The following CALN1 variants were observed in gnomAD, a reference collection of about 807,000 sequenced individuals.
CALN1 encodes calcium-binding protein 8.
CALN1 carries 17 observed loss-of-function variants against 30.6 expected under a neutral mutation model. The ratio of observed to expected loss-of-function variants is 0.56; its 90% confidence interval spans 0.38 to 0.83. The LOEUF is 0.83. CALN1 is among the 40% of genes least tolerant of loss of function. The probability of loss-of-function intolerance (pLI) is 0.00; values close to 1 mark genes in which losing one functional copy is unlikely to be tolerated. For missense variants in CALN1, 291 were observed against 354.9 expected, an observed-to-expected ratio of 0.82 and a Z score of 1.45; for synonymous variants, 156 against 131.4, an observed-to-expected ratio of 1.19 and a Z score of -1.28.
intron 5 of CALN1, among the ~76,000 whole-genome samples, chr7:71,965,563 A>G (rs940080727): frequency 6.7e-6 from 1 of 148,670 alleles, no homozygotes; most frequent in Non-Finnish European, 1.5e-5. Context: ...TTTGAAAAAC[A>G]GTAACAACAA....
At chr7:72,213,468 C>T (rs571559753) in intron 3 of CALN1, among the ~76,000 whole-genome samples, 124 of 152,132 alleles carry the variant, frequency 8.2e-4, no homozygotes, top group East Asian at 2.5e-3. Context: ...TGCAAATGGG[C>T]TTGAGGATGT....
chr7:71,848,009 A>G lies in CALN1; in HGVS notation c.502-37517T>C, dbSNP rs144989024. On this transcript the variant is annotated intron_variant, in intron 5 of 6. Coordinates refer to ENST00000395275, the MANE Select transcript of CALN1 (RefSeq NM_031468.4). ...ATCTCCTTTTCTTTATAAATTACCCAGTCTCATCCAAAAACACCTGAACAG... is the reference window on the plus strand; with the variant it reads ...ATCTCCTTTTCTTTATAAATTACCCGGTCTCATCCAAAAACACCTGAACAG... 4.5e-3 allele frequency among the ~76,000 whole-genome samples: 685 copies of G among 152,264 alleles called. 3 individuals are homozygous for G. Among genetic ancestry groups the G allele is most frequent in the Non-Finnish European group, 7.4e-3 (500 of 68,020 alleles).
chr7:71,833,511 TGG>T (rs1195144582), intron 5 of CALN1, among the ~76,000 whole-genome samples: 2 of 142,078 alleles, frequency 1.4e-5, no homozygotes, highest in African/African-American at 5.4e-5. Flanking sequence ...AGGAGAGGGG[TGG>T]AATAAAATCT....
intron 1 of CALN1, among the ~76,000 whole-genome samples, chr7:72,407,838 G>C (rs6977896): frequency 0.2 from 30,771 of 152,086 alleles, 3,459 homozygotes; most frequent in Non-Finnish European, 0.25. Flanking sequence ...GTGTGGAAAT[G>C]AATCCACCAC....
the CALN1 span, among the ~76,000 whole-genome samples, chr7:72,466,387 C>T: frequency 2.5e-4 from 38 of 152,258 alleles, no homozygotes; most frequent in African/African-American, 8.9e-4. Context: ...GACCCCCAGC[C>T]ACAGTCTAGT....
intron 5 of CALN1, among the ~76,000 whole-genome samples, chr7:71,985,133 T>C (rs1798596218): frequency 6.7e-6 from 1 of 149,656 alleles, no homozygotes; most frequent in Non-Finnish European, 1.5e-5. Context: ...GCAAAGACGA[T>C]GAACAGGCAA....
intron 4 of CALN1, among the ~76,000 whole-genome samples, chr7:72,058,890 C>T (rs539375899): frequency 4.3e-4 from 66 of 152,070 alleles, no homozygotes; most frequent in Non-Finnish European, 8.2e-4. Context: ...AAACGAAGAA[C>T]GCTGTCTGGC....
In CALN1 at chr7:71,884,967, C is replaced by G. The variant is rs187740332; in HGVS notation, c.502-74475G>C. Among the ~76,000 whole-genome samples the G allele has an allele frequency of 1.9e-3, 290 of 152,220 alleles. 1 individual carries two copies. The highest frequency in any genetic ancestry group is 6.6e-3 in the African/African-American group (276 of 41,548). On this transcript the variant is annotated intron_variant, in intron 5 of 6. Transcript: ENST00000395275. Reference sequence around the variant, plus strand: ...TCTAAGGGAAGCCACTGTAAGACTTCAAAAGAACTTTGGTCTCTGCAATCT... The same window carrying G: ...TCTAAGGGAAGCCACTGTAAGACTTGAAAAGAACTTTGGTCTCTGCAATCT...
rs922435343 is a variant in CALN1 at position 72,256,646 on chromosome 7, A to G, written c.244+22040T>C. 1.8e-4 allele frequency among the ~76,000 whole-genome samples: 27 copies of G among 151,130 alleles called. 1 individual carries two copies. Among genetic ancestry groups the G allele is most frequent in the African/African-American group, 6.3e-4 (26 of 41,090 alleles). On this transcript the variant is annotated intron_variant, in intron 3 of 6. Coordinates refer to ENST00000395275, the MANE Select transcript of CALN1 (RefSeq NM_031468.4). ...ATTTGAGACCAGGTTTTGGTCTGTC[A>G]CCCACGCTGGAACACAATGGCACCA...
intron 5 of CALN1, among the ~76,000 whole-genome samples, chr7:71,843,069 G>A (rs1341086326): frequency 6.6e-6 from 1 of 152,110 alleles, no homozygotes; most frequent in Admixed American, 6.5e-5. Flanking sequence ...TGTGAGGATG[G>A]GTATTGGACG....
intron 5 of CALN1, among the ~76,000 whole-genome samples, chr7:71,880,197 T>C (rs1792484898): frequency 6.6e-6 from 1 of 152,172 alleles, no homozygotes; most frequent in Admixed American, 6.5e-5. Context: ...TTGCTCAAGG[T>C]TGATTAGTTT....
chr7:72,166,605 C>T (rs114858919), intron 3 of CALN1, among the ~76,000 whole-genome samples: 3,952 of 152,298 alleles, frequency 0.026, 183 homozygotes, highest in African/African-American at 0.09. Context: ...AACTACCTCC[C>T]TCCTACCTAA....
chr7:72,064,256 TG>T (rs1451490580), intron 4 of CALN1, among the ~76,000 whole-genome samples: 1 of 150,168 alleles, frequency 6.7e-6, no homozygotes, highest in Non-Finnish European at 1.5e-5. Flanking sequence ...CACTCCAGCC[TG>T]GGTGACAGAG....
At chr7:71,911,652 A>C (rs1162241119) in intron 5 of CALN1, among the ~76,000 whole-genome samples, 1 of 152,204 alleles carries the variant, frequency 6.6e-6, no homozygotes, top group East Asian at 1.9e-4. Flanking sequence ...GTGGGTGTAC[A>C]GATGAAAAAT....
At chr7:72,084,735 A>G (rs1805372047) in intron 4 of CALN1, among the ~76,000 whole-genome samples, 2 of 152,166 alleles carry the variant, frequency 1.3e-5, no homozygotes, top group South Asian at 4.1e-4. Flanking sequence ...ATTTAATCAA[A>G]GTTTCAAATG....
chr7:71,864,092 T>TC (rs35586248), intron 5 of CALN1, among the ~76,000 whole-genome samples: 17,503 of 151,822 alleles, frequency 0.12, 1,397 homozygotes, highest in East Asian at 0.43. Context: ...AATAAGATCC[T>TC]CCCCCCCGAT....
intron 2 of CALN1, among the ~76,000 whole-genome samples, chr7:72,352,740 AAG>A (rs1235523780): frequency 6.6e-6 from 1 of 152,148 alleles, no homozygotes; most frequent in Non-Finnish European, 1.5e-5. Context: ...AAAAGCTAAA[AAG>A]AGAAGAACAA....
chr7:71,943,022 C>T (rs555357786), intron 5 of CALN1, among the ~76,000 whole-genome samples: 14 of 152,266 alleles, frequency 9.2e-5, no homozygotes, highest in East Asian at 3.9e-4. Context: ...CTTTCCAGAC[C>T]GAACCAATGT....
chr7:71,836,033 T>C lies in CALN1; in HGVS notation c.502-25541A>G, dbSNP rs185542765. Among the ~76,000 whole-genome samples, 763 of 152,332 alleles carry C rather than the reference T, an allele frequency of 5.0e-3. 12 individuals are homozygous for C. The highest frequency in any genetic ancestry group is 0.018 in the African/African-American group (746 of 41,564). On this transcript the variant is annotated intron_variant, in intron 5 of 6. Coordinates refer to ENST00000395275, the MANE Select transcript of CALN1 (RefSeq NM_031468.4). ...TGGAATGAGCAGAGGCAATCGGTCATGACCTCTTGCACCAAAGACATCTCA... is the reference window on the plus strand; with the variant it reads ...TGGAATGAGCAGAGGCAATCGGTCACGACCTCTTGCACCAAAGACATCTCA...
Sources: gnomAD v4.1 joint callset for allele counts (sites outside exome capture counted in the v4.1 genomes callset) on GRCh38, gnomAD v4.1.1 for gene constraint, MANE v1.5 for transcripts, NCBI Gene and HGNC (gene_info 2026-07-23, HGNC 2026-07-21) for gene names.